Variants in NAV3 observed in about 807,000 individuals in gnomAD.
The protein encoded by NAV3 is pore membrane and/or filament interacting like protein 1.
A neutral mutation model predicts 244.7 loss-of-function variants in NAV3; 87 were observed. That is an observed-to-expected ratio of 0.36 (90% confidence interval 0.30 to 0.42). The LOEUF (loss-of-function observed/expected upper bound fraction) is 0.42, where lower values mean the gene tolerates loss of function less well. NAV3 is among the 20% of genes least tolerant of loss of function. The pLI is 1.00. For synonymous variants in NAV3, 1,126 were observed against 1,042.2 expected (o/e 1.08, Z -1.55); for missense variants, 2,663 against 2,893.3 (o/e 0.92, Z 1.83).
chr12:77,728,170 C>A (rs911176372), intron 2 of NAV3, among the ~76,000 whole-genome samples: 1 of 151,924 alleles, frequency 6.6e-6, no homozygotes, highest in African/African-American at 2.4e-5. Flanking sequence ...GTACTTAAAT[C>A]CCCAGCTCAC....
intron 12 of NAV3, among the ~76,000 whole-genome samples, chr12:78,085,981 A>G (rs1035057384): frequency 7.9e-5 from 12 of 152,134 alleles, no homozygotes; most frequent in African/African-American, 2.9e-4. Context: ...TAAAAGTACA[A>G]GCTCAGGAAT....
At chr12:77,952,612 G>C (rs779436035) in intron 3 of NAV3, among the ~76,000 whole-genome samples, 5 of 152,060 alleles carry the variant, frequency 3.3e-5, no homozygotes, top group Non-Finnish European at 7.4e-5. Context: ...TTCATATAAA[G>C]TTTAAAATTA....
chr12:77,829,645 T>G (rs1349686496), upstream of NAV3, among the ~76,000 whole-genome samples: 1 of 152,172 alleles, frequency 6.6e-6, no homozygotes, highest in Non-Finnish European at 1.5e-5. Flanking sequence ...ATACCACTAG[T>G]GTTGTATTTG....
intron 2 of NAV3, among the ~76,000 whole-genome samples, chr12:77,820,914 T>G (rs1872715416): frequency 6.6e-6 from 1 of 151,916 alleles, no homozygotes; most frequent in South Asian, 2.1e-4. Flanking sequence ...AATAGAAGAG[T>G]CATAATCAGA....
chr12:78,045,377 C>T (rs2137144091), intron 9 of NAV3, among the ~76,000 whole-genome samples: 1 of 152,204 alleles, frequency 6.6e-6, no homozygotes, highest in South Asian at 2.1e-4. Context: ...CTCACTGCAA[C>T]CTCCGCCTCC....
intron 2 of NAV3, among the ~76,000 whole-genome samples, chr12:77,633,741 T>C (rs942326117): frequency 2.0e-5 from 3 of 152,194 alleles, no homozygotes; most frequent in Admixed American, 2.0e-4. Context: ...AAGTTCAAAG[T>C]CGAGACATTT....
In NAV3 at chr12:77,883,057, C is replaced by T. The variant is rs1396061001; in HGVS notation, c.243+51353C>T. Among the ~76,000 whole-genome samples, 3 of 152,058 alleles carry T rather than the reference C, an allele frequency of 2.0e-5. No homozygotes were observed. The East Asian group carries it at 5.8e-4, about 29-fold the overall frequency. ...TCTCAAAGAACTTAAAACAGAGCAA[C>T]CATTTTGACCCAGCAATTCTATTGC... is the stretch of plus-strand genomic sequence containing the variant. On this transcript the variant is annotated intron_variant, in intron 1 of 39. Transcript: ENST00000397909.
chr12:77,576,835 G>A (rs572683428), intron 2 of NAV3, among the ~76,000 whole-genome samples: 9 of 151,962 alleles, frequency 5.9e-5, no homozygotes, highest in African/African-American at 2.2e-4. Flanking sequence ...CATTAAATGA[G>A]GCCATTTAAT....
chr12:77,927,547 A>C (rs926160153), intron 1 of NAV3, among the ~76,000 whole-genome samples: 1 of 152,180 alleles, frequency 6.6e-6, no homozygotes, highest in African/African-American at 2.4e-5. Context: ...AGCTTTAAGG[A>C]TTGAATGAGT....
intron 1 of NAV3, among the ~76,000 whole-genome samples, chr12:77,934,636 T>C (rs112819044): frequency 5.3e-5 from 8 of 152,190 alleles, no homozygotes; most frequent in African/African-American, 1.4e-4. Flanking sequence ...GGTTGCACTT[T>C]ATATGCTTAG....
intron 1 of NAV3, among the ~76,000 whole-genome samples, chr12:77,864,077 A>G (rs1879659643): frequency 1.3e-5 from 2 of 151,944 alleles, no homozygotes; most frequent in African/African-American, 4.8e-5. Flanking sequence ...ATCACACACA[A>G]TAAAAGCCTA....
At chr12:77,625,477 TA>T (rs111465788) in intron 2 of NAV3, among the ~76,000 whole-genome samples, 18,154 of 152,096 alleles carry the variant, frequency 0.12, 2,004 homozygotes, top group African/African-American at 0.29. Context: ...AATAAGACTA[TA>T]AAAAAACTAG....
intron 12 of NAV3, among the ~76,000 whole-genome samples, chr12:78,099,290 C>CA (rs1194606475): frequency 1.3e-5 from 2 of 151,182 alleles, no homozygotes; most frequent in Non-Finnish European, 3.0e-5. Flanking sequence ...AATTTAAGAG[C>CA]ATTAAAATAA....
At chr12:77,858,985 A>C (rs1878803014) in intron 1 of NAV3, among the ~76,000 whole-genome samples, 1 of 152,092 alleles carries the variant, frequency 6.6e-6, no homozygotes, top group Non-Finnish European at 1.5e-5. Flanking sequence ...GTGTTGACTG[A>C]CTGGCATTGC....
chr12:77,859,757 G>GAA (rs1491555214), intron 1 of NAV3, among the ~76,000 whole-genome samples: 348 of 8,114 alleles, frequency 0.043, 2 homozygotes, highest in African/African-American at 0.12. Flanking sequence ...GCTTTCAAAT[G>GAA]CAAAAAAAAA....
intron 3 of NAV3, among the ~76,000 whole-genome samples, chr12:77,961,787 G>T (rs1396556324): frequency 7.2e-6 from 1 of 138,718 alleles, no homozygotes; most frequent in East Asian, 2.4e-4. Context: ...CATCATGAAG[G>T]TTACATTCTG....
rs554953481 is a variant in NAV3, at chr12:77,824,199, G to A, written c.73-116120G>A. 2.9e-3 allele frequency among the ~76,000 whole-genome samples: 445 copies of A among 151,052 alleles called. 3 individuals carry two copies. Among genetic ancestry groups the A allele is most frequent in the African/African-American group, 0.01 (414 of 41,114 alleles). On this transcript the variant is annotated intron_variant, in intron 2 of 8. Transcript: ENST00000550042. Reference sequence around the variant, plus strand: ...AGTGATTCTCCTGTCTCAGCCTCCCGAGTAGCTGGGACTGCAGGCGCATGC... The same window carrying A: ...AGTGATTCTCCTGTCTCAGCCTCCCAAGTAGCTGGGACTGCAGGCGCATGC...
chr12:77,998,094 A>G (rs1872661428), intron 6 of NAV3, among the ~76,000 whole-genome samples: 1 of 152,138 alleles, frequency 6.6e-6, no homozygotes. Context: ...TTTAGTTAAG[A>G]TTTATTTTAA....
At position 77,998,355 on chromosome 12, in the gene NAV3, GGTGCCTGCT is replaced by G; in HGVS notation, c.761_769del (p.Val254_Ala256del). 1 of 1,592,010 alleles carries G rather than the reference GGTGCCTGCT, an allele frequency of 6.3e-7. No individual in the cohort carries two copies. The highest frequency in any genetic ancestry group is 8.5e-7 in the Non-Finnish European group (1 of 1,170,356). On this transcript the variant is annotated inframe_deletion, in exon 7 of 40. Transcript: ENST00000397909. The stretch of plus-strand genomic sequence containing the variant: ...ATTTCAGGCTTCCAGGGCCCTCTAG[GGTGCCTGCT>G]GCAGGAAGCAGCAGCAAGGTCCAGG...
Sources: gnomAD v4.1 joint callset for allele counts (sites outside exome capture counted in the v4.1 genomes callset) on GRCh38, gnomAD v4.1.1 for gene constraint, MANE v1.5 for transcripts, NCBI Gene and HGNC (gene_info 2026-07-23, HGNC 2026-07-21) for gene names.